Variants in ZNF385B observed in about 807,000 individuals in gnomAD.
ZNF385B encodes zinc finger protein 533.
ZNF385B carries 23 observed loss-of-function variants against 39.2 expected under a neutral mutation model. The ratio of observed to expected loss-of-function variants is 0.59; its 90% confidence interval spans 0.42 to 0.83. ZNF385B has a LOEUF of 0.83. Ranked by LOEUF, ZNF385B falls within the 40% of genes least tolerant of loss-of-function variation. The pLI is 0.00. For missense variants in ZNF385B, 552 were observed against 598.9 expected, an observed-to-expected ratio of 0.92 and a Z score of 0.82; for synonymous variants, 205 against 222.6, an observed-to-expected ratio of 0.92 and a Z score of 0.70.
Position 179,483,351 on chromosome 2 carries a change from C to T in ZNF385B, c.636G>A (p.Met212Ile). 6.2e-7 allele frequency: 1 copy of T among 1,613,954 alleles called. No individual in the cohort carries two copies. The highest frequency in any genetic ancestry group is 8.5e-7 in the Non-Finnish European group (1 of 1,179,932). ...CCTTTGCGCTGTCCTTGGAAGGAAC[C>T]ATTTTGGGTTTATTTTTCGTTGCGT... ...ALDATKNKPKMVPSKDSAKAN... is the reference protein window; with the variant it reads ...ALDATKNKPKIVPSKDSAKAN... Residue 212 changes from methionine to isoleucine, a missense_variant, in exon 6 of 10, where the codon ATG becomes ATA. Transcript: ENST00000410066.
At chr2:179,856,575 G>A (rs1436148897) in intron 1 of ZNF385B, among the ~76,000 whole-genome samples, 6 of 147,382 alleles carry the variant, frequency 4.1e-5, no homozygotes, top group African/African-American at 1.5e-4. Flanking sequence ...GGGGCATAGA[G>A]TCAGCCAAGG....
chr2:179,704,368 T>C (rs1042564566), intron 3 of ZNF385B, among the ~76,000 whole-genome samples: 5 of 152,244 alleles, frequency 3.3e-5, no homozygotes, highest in Non-Finnish European at 7.3e-5. Flanking sequence ...GTAGTAACTC[T>C]AGGATGTAGG....
intron 1 of ZNF385B, among the ~76,000 whole-genome samples, chr2:179,851,571 C>T (rs1170683941): frequency 1.3e-5 from 2 of 152,214 alleles, no homozygotes; most frequent in Non-Finnish European, 2.9e-5. Flanking sequence ...ATGCCACCCT[C>T]CTCTCAATCA....
intron 1 of ZNF385B, among the ~76,000 whole-genome samples, chr2:179,842,480 C>A (rs1459015478): frequency 1.3e-5 from 2 of 152,154 alleles, no homozygotes; most frequent in Admixed American, 6.5e-5. Context: ...TTTCCATTAT[C>A]CACAGCTATG....
Position 179,760,223 on chromosome 2 carries a change from C to CGTGCGTGTGTGT in ZNF385B, c.298+9279_298+9280insACACACACGCAC, listed in dbSNP as rs1553525684. On this transcript the variant is annotated intron_variant, in intron 3 of 9. Transcript: ENST00000410066. Reference sequence around the variant, plus strand: ...CCAGTATTACCTGGATTCCTGTGTGCGTGTGTGTGTGTGTGTGTGTGTGTG... The same window carrying CGTGCGTGTGTGT: ...CCAGTATTACCTGGATTCCTGTGTGCGTGCGTGTGTGTGTGTGTGTGTGTGTGTGTGTGTGTG... Among the ~76,000 whole-genome samples the CGTGCGTGTGTGT allele has an allele frequency of 1.9e-3, 273 of 144,546 alleles. 1 individual carries two copies. The highest frequency in any genetic ancestry group is 0.013 in the East Asian group (62 of 4,882). The allele number at this position is 144,546 out of a possible 152,430, so 94.8% of individuals were successfully genotyped here.
chr2:179,617,943 T>G (rs1175171189), intron 3 of ZNF385B, among the ~76,000 whole-genome samples: 1 of 152,202 alleles, frequency 6.6e-6, no homozygotes, highest in African/African-American at 2.4e-5. Flanking sequence ...TTAGCTATGC[T>G]AGGAGCCTTC....
intron 3 of ZNF385B, among the ~76,000 whole-genome samples, chr2:179,728,826 T>C (rs916257064): frequency 6.6e-6 from 1 of 152,040 alleles, no homozygotes; most frequent in African/African-American, 2.4e-5. Context: ...ATTTTATATA[T>C]TTATAACTTT....
intron 3 of ZNF385B, among the ~76,000 whole-genome samples, chr2:179,568,225 C>G (rs1684812697): frequency 6.6e-6 from 1 of 152,200 alleles, no homozygotes; most frequent in South Asian, 2.1e-4. Flanking sequence ...TCCCTGCTCC[C>G]ATTTCAGTTG....
At chr2:179,518,809 A>T (rs1236114542) in intron 4 of ZNF385B, among the ~76,000 whole-genome samples, 171 bp from the exon 5 acceptor site, 2 of 147,934 alleles carry the variant, frequency 1.4e-5, no homozygotes, top group Non-Finnish European at 3.0e-5. Context: ...AATTAAAAAC[A>T]AAAACAAATG....
intron 3 of ZNF385B, among the ~76,000 whole-genome samples, chr2:179,591,695 C>T (rs555435901): frequency 2.0e-5 from 3 of 152,094 alleles, no homozygotes; most frequent in Admixed American, 1.3e-4. Context: ...TATACTTTGC[C>T]TAGCTAACAT....
At chr2:179,542,973 AAAAT>A (rs1411871991) in intron 4 of ZNF385B, among the ~76,000 whole-genome samples, 18 of 152,052 alleles carry the variant, frequency 1.2e-4, no homozygotes, top group Non-Finnish European at 2.4e-4. Context: ...TTATGTTAAA[AAAAT>A]AAATAAATAA....
intron 6 of ZNF385B, among the ~76,000 whole-genome samples, chr2:179,467,404 C>T (rs1237770258): frequency 1.3e-5 from 2 of 152,148 alleles, no homozygotes; most frequent in Non-Finnish European, 2.9e-5. Context: ...TACTGGACCA[C>T]CTTTGGAAAC....
At chr2:179,774,728 G>A (rs1444257573) in intron 1 of ZNF385B, among the ~76,000 whole-genome samples, 1 of 152,200 alleles carries the variant, frequency 6.6e-6, no homozygotes, top group Non-Finnish European at 1.5e-5. Flanking sequence ...TTTGAGATCA[G>A]GAATGGTAAT....
intron 3 of ZNF385B, among the ~76,000 whole-genome samples, chr2:179,666,406 G>T (rs1042633351): frequency 6.6e-6 from 1 of 152,086 alleles, no homozygotes; most frequent in Non-Finnish European, 1.5e-5. Flanking sequence ...TGTTTTCCAA[G>T]ATAATTCACA....
chr2:179,697,250 C>G (rs1264136832), intron 3 of ZNF385B, among the ~76,000 whole-genome samples: 2 of 152,148 alleles, frequency 1.3e-5, no homozygotes, highest in African/African-American at 4.8e-5. Flanking sequence ...CCCAAACCTC[C>G]TCTTGAATTG....
chr2:179,601,622 A>AAGGGTTACCTTG (rs1438920883), intron 3 of ZNF385B, among the ~76,000 whole-genome samples: 1 of 152,164 alleles, frequency 6.6e-6, no homozygotes, highest in African/African-American at 2.4e-5. Context: ...CTTCACTTTC[A>AAGGGTTACCTTG]AATTACAGTT....
At chr2:179,518,676 C>G in intron 4 of ZNF385B, 38 bp from the exon 5 acceptor site, 1 of 1,344,880 alleles carries the variant, frequency 7.4e-7, no homozygotes, top group Non-Finnish European at 1.0e-6. Context: ...TTTGTAACTT[C>G]AAAGAAAAGA....
intron 3 of ZNF385B, among the ~76,000 whole-genome samples, chr2:179,667,443 T>C (rs3106722): frequency 0.62 from 93,439 of 151,910 alleles, 29,148 homozygotes; most frequent in African/African-American, 0.71. Context: ...ATACAAGAAA[T>C]GTGTCCAGTG....
At chr2:179,660,626 C>T (rs1216306916) in intron 3 of ZNF385B, among the ~76,000 whole-genome samples, 1 of 152,106 alleles carries the variant, frequency 6.6e-6, no homozygotes, top group Non-Finnish European at 1.5e-5. Flanking sequence ...TTATTCGGTG[C>T]TATGAGCTTG....
Sources: allele counts gnomAD v4.1 joint callset (sites outside exome capture counted in the v4.1 genomes callset), GRCh38; gene constraint gnomAD v4.1.1; transcripts MANE v1.5; gene names NCBI Gene and HGNC (gene_info 2026-07-23, HGNC 2026-07-21).